Variants in ACP2 observed in about 807,000 individuals in gnomAD.
ACP2 encodes the protein acid phosphatase 2, lysosomal.
ACP2 carries 35 observed loss-of-function variants against 54.7 expected under a neutral mutation model. That is an observed-to-expected ratio of 0.64 (90% CI 0.49 to 0.85). The LOEUF is 0.85. ACP2 is among the 40% of genes least tolerant of loss of function. The probability of loss-of-function intolerance (pLI) is 0.00; values close to 1 mark genes in which losing one functional copy is unlikely to be tolerated. For missense variants in ACP2, 492 were observed against 565.0 expected, an observed-to-expected ratio of 0.87 and a Z score of 1.31; for synonymous variants, 210 against 224.4, an observed-to-expected ratio of 0.94 and a Z score of 0.57.
Position 47,240,032 on chromosome 11 carries a change from C to T in ACP2, c.*84G>A. 1 of 1,477,160 alleles carries T rather than the reference C, an allele frequency of 6.8e-7. No homozygotes were observed. Among genetic ancestry groups the T allele is most frequent in the African/African-American group, 1.4e-5 (1 of 71,580 alleles). The allele number at this position is 1,477,160 out of a possible 1,614,324, so 91.5% of individuals were successfully genotyped here. A position where few individuals can be genotyped will look rare whatever the true frequency, so the allele number is the denominator to read the frequency against. On this transcript the variant is annotated 3_prime_UTR_variant, in exon 11 of 11. Coordinates refer to ENST00000672073, the MANE Select transcript of ACP2 (RefSeq NM_001610.4). ...GAGGCCCAACCCAGGATCTCCTGTCCATGGGCTGGGGAGCAGCAACAGTCA... is the reference window on the plus strand; with the variant it reads ...GAGGCCCAACCCAGGATCTCCTGTCTATGGGCTGGGGAGCAGCAACAGTCA...
intron 10 of ACP2, 33 bp downstream of exon 10, chr11:47,242,690 G>A (rs1035792767): frequency 6.3e-7 from 1 of 1,594,964 alleles, no homozygotes; most frequent in Admixed American, 1.7e-5. Context: ...CTGGTCTAGG[G>A]CATGACTAGC....
At chr11:47,242,628 C>T (rs1953913946) in intron 10 of ACP2, 95 bp downstream of exon 10, 1 of 1,476,688 alleles carries the variant, frequency 6.8e-7, no homozygotes, top group East Asian at 2.3e-5. Context: ...CAAATGCAGT[C>T]AAATGGCTGG....
chr11:47,245,853 A>G lies in ACP2; in HGVS notation c.298-19T>C, dbSNP rs1437766284. ...CATAAACCTGCAGCGATAGCAACAC[A>G]AGTCGTGTGTGTGTGTGTGTGTGTG... On this transcript the variant is annotated intron_variant, in intron 3 of 10. Coordinates refer to ENST00000672073, the MANE Select transcript of ACP2 (RefSeq NM_001610.4). 11 of 1,375,852 alleles carry G rather than the reference A, an allele frequency of 8.0e-6. No individual in the cohort carries two copies. The South Asian group carries it at 1.5e-4, about 18-fold the overall frequency. 85.2% of individuals were successfully genotyped at this position (1,375,852 alleles called of 1,614,324 possible). A position where few individuals can be genotyped will look rare whatever the true frequency, so the allele number is the denominator to read the frequency against.
chr11:47,248,510 C>T (rs1954315041), intron 1 of ACP2, 166 bp downstream of exon 1: 2 of 1,551,126 alleles, frequency 1.3e-6, no homozygotes, highest in Non-Finnish European at 8.7e-7. Flanking sequence ...CATCCTGACT[C>T]CCATAAGCCA....
chr11:47,239,981 G>A lies in ACP2; in HGVS notation c.*135C>T, dbSNP rs751983114. On this transcript the variant is annotated 3_prime_UTR_variant, in exon 11 of 11. Transcript: ENST00000672073. ...CCATGGGCCACGCTGAGCCCCACTC[G>A]CTCATCTGGCTGGGGTCATCAGAGG... 2 of 887,390 alleles carry A rather than the reference G, an allele frequency of 2.3e-6. No homozygotes were observed. The highest frequency in any genetic ancestry group is 1.7e-5 in the South Asian group (1 of 58,782). 55.0% of individuals were successfully genotyped at this position (887,390 alleles called of 1,614,324 possible).
rs767118164 is a variant in ACP2 at position 47,245,805 on chromosome 11, C to G, written c.327G>C (p.Arg109=). ...EVYVRSTDFD[R]TLMSAEANLA... ...GGTTGGCCTCAGCACTCATGAGAGT[C>G]CGGTCAAAGTCTGTGCTTCGCACAT... Residue 109 remains arginine, a synonymous_variant, in exon 4 of 11, where the codon CGG becomes CGC. Coordinates refer to ENST00000672073, the MANE Select transcript of ACP2 (RefSeq NM_001610.4). 30 of 1,594,072 alleles carry G rather than the reference C, an allele frequency of 1.9e-5. No individual in the cohort carries two copies. The highest frequency in any genetic ancestry group is 5.3e-5 in the Admixed American group (3 of 57,040).
chr11:47,245,215 C>T (rs1230190242), intron 6 of ACP2, 90 bp downstream of exon 6: 9 of 1,378,426 alleles, frequency 6.5e-6, no homozygotes, highest in Middle Eastern at 1.8e-4. Flanking sequence ...AGGGGCGTGA[C>T]GGTATCAGGC....
intron 3 of ACP2, 24 bp from the exon 4 acceptor site, chr11:47,245,858 G>A (rs775255622): frequency 2.4e-6 from 1 of 420,086 alleles, no homozygotes; most frequent in Non-Finnish European, 3.5e-6. Flanking sequence ...AACACAAGTC[G>A]TGTGTGTGTG....
rs1165941784 is a variant in ACP2, at chr11:47,244,736, C to A, written c.771G>T (p.Gly257=). The A allele has an allele frequency of 3.1e-6, 5 of 1,603,264 alleles. No individual in the cohort carries two copies. The African/African-American group carries it at 5.3e-5, about 17-fold the overall frequency. The part of the protein sequence containing the change: ...YQQAEKARLQ[G]GVLLAQIRKN... The stretch of plus-strand genomic sequence containing the variant: ...TGACACGCTGTCCTTGTCACTCACC[C>A]CCCTGAAGCCGGGCCTTCTCCGCCT... Residue 257 remains glycine, a splice_region_variant and synonymous_variant, in exon 7 of 11, where the codon GGG becomes GGT. Transcript: ENST00000672073.
rs765391213 is a variant in ACP2, at chr11:47,248,562, G to A, written c.114+114C>T. 12 of 1,551,556 alleles carry A rather than the reference G, an allele frequency of 7.7e-6. No homozygotes were observed. In the East Asian group the frequency reaches 2.0e-4, roughly 25 times the overall value. On this transcript the variant is annotated intron_variant, in intron 1 of 10. Transcript: ENST00000672073. Reference sequence around the variant, plus strand: ...CTGAATCCAGCCTCCCAACTACCCAGGCCAGTCGTCCCCTCCTAAACCAGC... The same window carrying A: ...CTGAATCCAGCCTCCCAACTACCCAAGCCAGTCGTCCCCTCCTAAACCAGC...
chr11:47,248,379 A>G, intron 1 of ACP2: 1 of 1,457,026 alleles, frequency 6.9e-7, no homozygotes, highest in Non-Finnish European at 9.3e-7. Flanking sequence ...AGAGAAGTGA[A>G]AGCAACGTAT....
chr11:47,245,860 G>GTGTC (rs1454736836), intron 3 of ACP2, 26 bp from the exon 4 acceptor site: 2 of 1,008,042 alleles, frequency 2.0e-6, no homozygotes, highest in Non-Finnish European at 2.8e-6. Context: ...CACAAGTCGT[G>GTGTC]TGTGTGTGTG....
At position 47,243,323 on chromosome 11, in the gene ACP2, TGAA is replaced by T. The variant is rs768527012; in HGVS notation, c.773-5_773-3del. The stretch of plus-strand genomic sequence containing the variant: ...TCCTTATCTGAGCCAGCAGGACTCC[TGAA>T]GGAGAAAAGTCCCCGGTGTTGCTGG... On this transcript the variant is annotated splice_polypyrimidine_tract_variant and splice_region_variant and intron_variant, in intron 7 of 10. Transcript: ENST00000672073. The T allele has an allele frequency of 1.2e-5, 19 of 1,614,054 alleles. No individual in the cohort carries two copies. The highest frequency in any genetic ancestry group is 1.5e-5 in the Non-Finnish European group (18 of 1,179,908).
At chr11:47,247,235 G>C (rs1954167506) in intron 3 of ACP2, among the ~76,000 whole-genome samples, 1 of 152,114 alleles carries the variant, frequency 6.6e-6, no homozygotes, top group Admixed American at 6.5e-5. Flanking sequence ...GCCCTGTCTG[G>C]TTTATCATTA....
At chr11:47,240,710 A>G (rs1341523157) in intron 10 of ACP2, among the ~76,000 whole-genome samples, 1 of 151,906 alleles carries the variant, frequency 6.6e-6, no homozygotes, top group Non-Finnish European at 1.5e-5. Flanking sequence ...AATCCCAACT[A>G]CTCGGGAGGC....
chr11:47,245,209 G>T, intron 6 of ACP2, 96 bp downstream of exon 6: 4 of 1,322,008 alleles, frequency 3.0e-6, no homozygotes, highest in Non-Finnish European at 4.4e-6. Context: ...CTCCCCAGGG[G>T]CGTGACGGTA....
rs1307068521 is a variant in ACP2, at chr11:47,240,217, T to G, written c.1171A>C (p.Ile391Leu). ...VIVALAVCGSILFLLIVLLLT... is the reference protein window; with the variant it reads ...VIVALAVCGSLLFLLIVLLLT... ...AGCAGCACTATGAGGAGGAAGAGGA[T>G]GGAGCCACATACAGCCAAGGCCACA... The change falls in exon 11 of 11, where the codon ATC (isoleucine) becomes CTC (leucine). Residue 391 changes from isoleucine to leucine, a missense_variant. Ile to Leu is a conservative substitution (Grantham distance 5). Transcript: ENST00000672073. 2 of 1,602,626 alleles carry G rather than the reference T, an allele frequency of 1.2e-6. No homozygotes were observed. Among genetic ancestry groups the G allele is most frequent in the African/African-American group, 2.7e-5 (2 of 74,816 alleles).
At chr11:47,245,885 T>TGTGTGTGTGTGTGTGTGTGTG (rs1554977125) in intron 3 of ACP2, 51 bp from the exon 4 acceptor site, 4 of 1,498,814 alleles carry the variant, frequency 2.7e-6, no homozygotes, top group East Asian at 4.7e-5. Context: ...TGTGTGTGTG[T>TGTGTGTGTGTGTGTGTGTGTG]TGGGGAAGTT....
At chr11:47,247,770 G>A (rs372934577) in intron 2 of ACP2, 43 bp from the exon 3 acceptor site, 13 of 1,593,228 alleles carry the variant, frequency 8.2e-6, no homozygotes, top group African/African-American at 8.1e-5. Context: ...GAGGGAAGGG[G>A]TGGCTTCAAG....
Sources: gnomAD v4.1 joint callset for allele counts (sites outside exome capture counted in the v4.1 genomes callset) on GRCh38, gnomAD v4.1.1 for gene constraint, MANE v1.5 for transcripts, NCBI Gene and HGNC (gene_info 2026-07-23, HGNC 2026-07-21) for gene names.